OVGP1: variants seen among roughly 807,000 people sequenced by gnomAD.
The protein encoded by OVGP1 is oviduct-specific glycoprotein.
OVGP1 carries 26 observed loss-of-function variants against 48.2 expected under a neutral mutation model. That is an observed-to-expected ratio of 0.54 (90% confidence interval 0.40 to 0.75). The LOEUF (loss-of-function observed/expected upper bound fraction) is 0.75, where lower values mean the gene tolerates loss of function less well. OVGP1 is among the 30% of genes least tolerant of loss of function. The probability of loss-of-function intolerance (pLI) is 0.00; values close to 1 mark genes in which losing one functional copy is unlikely to be tolerated. For missense variants in OVGP1, 791 were observed against 820.6 expected, an observed-to-expected ratio of 0.96 and a Z score of 0.44; for synonymous variants, 294 against 305.7, an observed-to-expected ratio of 0.96 and a Z score of 0.40.
At chr1:111,421,077 C>T (rs115044430) in intron 8 of OVGP1, among the ~76,000 whole-genome samples, 199 bp downstream of exon 8, 1,537 of 152,234 alleles carry the variant, frequency 0.01, 23 homozygotes, top group African/African-American at 0.036. Flanking sequence ...CCAAGTCCTT[C>T]GTCCCTTACA....
intron 10 of OVGP1, 87 bp from the exon 11 acceptor site, chr1:111,415,431 G>A (rs1652109985): frequency 1.6e-6 from 2 of 1,230,118 alleles, no homozygotes; most frequent in Admixed American, 2.5e-5. Flanking sequence ...CCAATCCAGG[G>A]CTGAAGTACC....
intron 9 of OVGP1, among the ~76,000 whole-genome samples, chr1:111,418,294 T>C (rs547630112): frequency 6.6e-6 from 1 of 152,272 alleles, no homozygotes; most frequent in Non-Finnish European, 1.5e-5. Flanking sequence ...CTCTCTGATG[T>C]CCTATGGGTC....
In OVGP1 at chr1:111,421,476, A is replaced by C; in HGVS notation, c.718-15T>G. The C allele has an allele frequency of 6.2e-7, 1 of 1,608,948 alleles. No homozygotes were observed. The highest frequency in any genetic ancestry group is 8.5e-7 in the Non-Finnish European group (1 of 1,177,674). ...ATAGCATATGCCTGCAGGTAAGAAG[A>C]ATCCAGACTCCTCCTTGTTACTAAG... On this transcript the variant is annotated splice_polypyrimidine_tract_variant and intron_variant, in intron 7 of 10. Coordinates refer to ENST00000369732, the MANE Select transcript of OVGP1 (RefSeq NM_002557.4).
At chr1:111,419,579 G>A in intron 9 of OVGP1, 31 bp downstream of exon 9, 2 of 1,273,904 alleles carry the variant, frequency 1.6e-6, no homozygotes. Flanking sequence ...AGGAAACCAT[G>A]TGCTGGAGCA....
At chr1:111,427,460 G>T in intron 1 of OVGP1, 1 of 793,286 alleles carries the variant, frequency 1.3e-6, no homozygotes, top group Non-Finnish European at 1.5e-6. Flanking sequence ...ACTGGTCCAA[G>T]GTGGAACTCA....
At chr1:111,421,767 T>C in intron 6 of OVGP1, 94 bp from the exon 7 acceptor site, 1 of 782,096 alleles carries the variant, frequency 1.3e-6, no homozygotes, top group South Asian at 1.6e-5. Flanking sequence ...AGCTAGACAT[T>C]GGTCACCAGA....
At chr1:111,423,787 T>C (rs1391107473) in intron 4 of OVGP1, 79 bp from the exon 5 acceptor site, 30 of 1,398,352 alleles carry the variant, frequency 2.1e-5, no homozygotes, top group Non-Finnish European at 2.8e-5. Flanking sequence ...GCAAGCTTGG[T>C]TCCCTGTGGT....
Position 111,416,317 on chromosome 1 carries a change from A to G in OVGP1, c.1156+6T>C. ...CAACCCCAGCTTCTAGGTCACAGCT[A>G]CTTACCAGCCCGCACCAGGATATCA... On this transcript the variant is annotated splice_donor_region_variant and intron_variant, in intron 10 of 10. Coordinates refer to ENST00000369732, the MANE Select transcript of OVGP1 (RefSeq NM_002557.4). The G allele has an allele frequency of 6.4e-7, 1 of 1,572,474 alleles. No homozygotes were observed. Among genetic ancestry groups the G allele is most frequent in the Non-Finnish European group, 8.7e-7 (1 of 1,154,370 alleles).
chr1:111,427,312 G>A (rs1176739388), intron 1 of OVGP1: 2 of 985,264 alleles, frequency 2.0e-6, no homozygotes, highest in African/African-American at 1.7e-5. Flanking sequence ...ATAAACATGT[G>A]TATATGCTCA....
At position 111,421,592 on chromosome 1, in the gene OVGP1, G is replaced by T. The variant is rs767544578; in HGVS notation, c.690C>A (p.Phe230Leu). ...ERFTGHNSPL[F>L]SLPEDPKSSA... ...AAGATTTGGGGTCTTCAGGCAGAGA[G>T]AAGAGGGGGCTATTATGTCCTGTGA... The change falls in exon 7 of 11, where the codon TTC becomes TTA. Residue 230 changes from phenylalanine (F) to leucine (L), a missense_variant. Phe to Leu is a conservative substitution (Grantham distance 22). Coordinates refer to ENST00000369732, the MANE Select transcript of OVGP1 (RefSeq NM_002557.4). 6.2e-7 allele frequency: 1 copy of T among 1,613,034 alleles called. No individual in the cohort carries two copies. Among genetic ancestry groups the T allele is most frequent in the South Asian group, 1.1e-5 (1 of 91,056 alleles).
At position 111,414,556 on chromosome 1, in the gene OVGP1, G is replaced by A. The variant is rs368956930; in HGVS notation, c.1945C>T (p.His649Tyr). Residue 649 changes from histidine to tyrosine, a missense_variant, in exon 11 of 11, where the codon CAT becomes TAT. Physicochemically the swap from His to Tyr is moderately conservative, Grantham distance 83 (BLOSUM62 2). Coordinates refer to ENST00000369732, the MANE Select transcript of OVGP1 (RefSeq NM_002557.4). ...DNRFVPIYGN[H>Y]SSVNSVTPQT... The stretch of plus-strand genomic sequence containing the variant: ...GGGGTTACTGAGTTGACAGAGGAAT[G>A]GTTTCCATAGATGGGAACAAAGCGG... 3.7e-5 allele frequency: 59 copies of A among 1,613,910 alleles called. No homozygotes were observed. Among genetic ancestry groups the A allele is most frequent in the Non-Finnish European group, 4.6e-5 (54 of 1,179,914 alleles).
At chr1:111,427,562 T>TG in intron 1 of OVGP1, 135 bp downstream of exon 1, 1 of 1,153,878 alleles carries the variant, frequency 8.7e-7, no homozygotes, top group Non-Finnish European at 1.3e-6. Flanking sequence ...CCATTAACTA[T>TG]GGCCCATCCC....
At chr1:111,425,733 A>G (rs1445480853) in intron 3 of OVGP1, among the ~76,000 whole-genome samples, 2 of 152,252 alleles carry the variant, frequency 1.3e-5, no homozygotes, top group Non-Finnish European at 2.9e-5. Flanking sequence ...AGAGCAGTCT[A>G]AAATGTTTCT....
intron 9 of OVGP1, chr1:111,416,667 G>T: frequency 9.1e-6 from 3 of 329,574 alleles, no homozygotes; most frequent in Admixed American, 5.1e-5. Flanking sequence ...CCTCATTTGT[G>T]AAAAAAAAAA....
At position 111,414,901 on chromosome 1, in the gene OVGP1, G is replaced by A. The variant is rs3767608; in HGVS notation, c.1600C>T (p.Pro534Ser). The A allele has an allele frequency of 1.3e-6, 1 of 754,236 alleles. No individual in the cohort carries two copies. The highest frequency in any genetic ancestry group is 1.9e-6 in the Non-Finnish European group (1 of 534,194). The allele number at this position is 754,236 out of a possible 1,614,324, so 46.7% of individuals were successfully genotyped here. The change falls in exon 11 of 11, where the codon CCT becomes TCT. Residue 534 changes from proline to serine, a missense_variant. Pro to Ser is a moderately conservative substitution (Grantham distance 74). Coordinates refer to ENST00000369732, the MANE Select transcript of OVGP1 (RefSeq NM_002557.4). Reference protein sequence around the residue: ...LTPVGHQSVTPVSHQSVSPGG... With the variant: ...LTPVGHQSVTSVSHQSVSPGG... ...GGGCTCACAGACTGATGACTCACAG[G>A]GGTCACAGACTGATGACCCACAGGG...
chr1:111,415,143 G>T lies in OVGP1; in HGVS notation c.1358C>A (p.Pro453His). 6.2e-7 allele frequency: 1 copy of T among 1,614,130 alleles called. No homozygotes were observed. The highest frequency in any genetic ancestry group is 8.5e-7 in the Non-Finnish European group (1 of 1,180,000). ...TCCAAGGGATACAGTTTCCTTTGTAGGGGTCACAGTTGTACCTCTAGGGGT... is the reference window on the plus strand; with the variant it reads ...TCCAAGGGATACAGTTTCCTTTGTATGGGTCACAGTTGTACCTCTAGGGGT... ...TITPRGTTVT[P>H]TKETVSLGKH... Residue 453 changes from proline to histidine, a missense_variant, in exon 11 of 11, where the codon CCT becomes CAT. By Grantham distance (77) the Pro-to-His change is moderately conservative (BLOSUM62 -2). Transcript: ENST00000369732.
Position 111,414,951 on chromosome 1 carries a change from AC to A in OVGP1, c.1549del (p.Val517Ter). On this transcript the variant is annotated frameshift_variant, in exon 11 of 11. Coordinates refer to ENST00000369732, the MANE Select transcript of OVGP1 (RefSeq NM_002557.4). LOFTEE classifies it low-confidence loss of function (END_TRUNC). ...GGTCAGGGTCTTTTCCCCAGGGGTC[AC>A]AGACTGATAACCCACAGAGGTCAGG... ...KTLTSVGYQS[V>X]TPGEKTLTPV... 1.2e-6 allele frequency: 1 copy of A among 807,200 alleles called. No individual in the cohort carries two copies. The highest frequency in any genetic ancestry group is 1.8e-6 in the Non-Finnish European group (1 of 550,480). The allele number at this position is 807,200 out of a possible 1,614,324, so 50.0% of individuals were successfully genotyped here. A position where few individuals can be genotyped will look rare whatever the true frequency, so the allele number is the denominator to read the frequency against.
chr1:111,415,386 C>A, intron 10 of OVGP1, 42 bp from the exon 11 acceptor site: 1 of 1,543,362 alleles, frequency 6.5e-7, no homozygotes, highest in South Asian at 1.2e-5. Flanking sequence ...CCTACCACTT[C>A]ATTCTCATCC....
chr1:111,427,177 G>C, intron 1 of OVGP1, 86 bp from the exon 2 acceptor site: 1 of 1,602,244 alleles, frequency 6.2e-7, no homozygotes, highest in Non-Finnish European at 8.5e-7. Flanking sequence ...ATTAGCAAGG[G>C]TGCCCACCAA....
Sources: gnomAD v4.1 joint callset for allele counts (sites outside exome capture counted in the v4.1 genomes callset) on GRCh38, gnomAD v4.1.1 for gene constraint, MANE v1.5 for transcripts, NCBI Gene and HGNC (gene_info 2026-07-23, HGNC 2026-07-21) for gene names.